Variants in MYO3A observed in about 807,000 individuals in gnomAD.
MYO3A encodes the protein myosin-IIIa.
In MYO3A, 180 loss-of-function variants were observed where a neutral mutation model predicts 192.7. The ratio of observed to expected loss-of-function variants is 0.93; its 90% CI spans 0.83 to 1.06. MYO3A has a LOEUF of 1.06. Ranked by LOEUF, MYO3A falls within the 50% of genes least tolerant of loss-of-function variation. The probability of loss-of-function intolerance (pLI) is 0.00; values close to 1 mark genes in which losing one functional copy is unlikely to be tolerated. For synonymous variants in MYO3A, 628 were observed against 645.3 expected, an observed-to-expected ratio of 0.97 and a Z score of 0.41; for missense variants, 1,896 against 1,905.0, an observed-to-expected ratio of 1.00 and a Z score of 0.09.
At chr10:26,208,416 G>C (rs1177088878) in intron 34 of MYO3A, among the ~76,000 whole-genome samples, 1 of 152,132 alleles carries the variant, frequency 6.6e-6, no homozygotes, top group Non-Finnish European at 1.5e-5. Flanking sequence ...CTATAGACCT[G>C]GGTTTGAATC....
chr10:25,999,977 T>C (rs1840686669), intron 6 of MYO3A, among the ~76,000 whole-genome samples: 1 of 152,202 alleles, frequency 6.6e-6, no homozygotes, highest in Admixed American at 6.5e-5. Flanking sequence ...CCTGGGCTCC[T>C]GCAGTTATAC....
intron 20 of MYO3A, among the ~76,000 whole-genome samples, chr10:26,138,640 A>T (rs1043510355): frequency 1.3e-5 from 2 of 152,216 alleles, no homozygotes; most frequent in Non-Finnish European, 2.9e-5. Flanking sequence ...CTTACTTCGT[A>T]TGCCACAGAG....
chr10:26,112,051 T>C (rs975643563), intron 17 of MYO3A, among the ~76,000 whole-genome samples: 3 of 152,218 alleles, frequency 2.0e-5, no homozygotes, highest in Admixed American at 6.5e-5. Context: ...TATATTTGGC[T>C]CAACTACTTT....
At chr10:26,170,337 AG>A in intron 28 of MYO3A, 78 bp from the exon 29 acceptor site, 1 of 1,496,816 alleles carries the variant, frequency 6.7e-7, no homozygotes, top group South Asian at 1.2e-5. Context: ...CAATGGTCAA[AG>A]CCACCATTTC....
chr10:25,966,871 T>G (rs922890693), intron 4 of MYO3A, among the ~76,000 whole-genome samples: 2 of 152,176 alleles, frequency 1.3e-5, no homozygotes, highest in African/African-American at 4.8e-5. Context: ...ACGAGAAAGC[T>G]AGACAAAACA....
intron 5 of MYO3A, 109 bp downstream of exon 5, chr10:25,996,703 T>C (rs941984430): frequency 1.0e-5 from 9 of 876,452 alleles, no homozygotes; most frequent in African/African-American, 1.0e-4. Context: ...TAGTATTTAT[T>C]GATGGAAGAA....
chr10:26,141,051 C>CT (rs1253953073), intron 20 of MYO3A, among the ~76,000 whole-genome samples: 1 of 152,130 alleles, frequency 6.6e-6, no homozygotes, highest in Non-Finnish European at 1.5e-5. Flanking sequence ...CCTCAGTCTC[C>CT]TGAGTAGCTG....
chr10:26,007,914 T>C (rs1436816738), intron 6 of MYO3A, among the ~76,000 whole-genome samples: 2 of 152,158 alleles, frequency 1.3e-5, no homozygotes, highest in East Asian at 3.9e-4. Context: ...AAAAAGAGCC[T>C]GCATCGCTAA....
At chr10:26,181,909 G>A (rs1842634286) in intron 31 of MYO3A, among the ~76,000 whole-genome samples, 1 of 152,056 alleles carries the variant, frequency 6.6e-6, no homozygotes, top group African/African-American at 2.4e-5. Flanking sequence ...TGAACAATAG[G>A]AGAATGATTA....
intron 6 of MYO3A, among the ~76,000 whole-genome samples, chr10:26,007,705 A>G (rs1343101530): frequency 6.6e-6 from 1 of 150,990 alleles, no homozygotes; most frequent in Non-Finnish European, 1.5e-5. Context: ...AAGGAGAACT[A>G]CAAACCACTG....
rs3817421 is a variant in MYO3A, at chr10:26,068,696, T to C, written c.1054-72T>C. On this transcript the variant is annotated intron_variant, in intron 11 of 34. Coordinates refer to ENST00000642920, the MANE Select transcript of MYO3A (RefSeq NM_017433.5). ...CAGATTCCAGATGTTCTGTTTATTA[T>C]TGTTTACTTTTTAAATTGTAGTTGA... 0.49 allele frequency: 482,406 copies of C among 989,068 alleles called. 121,694 individuals carry two copies. The highest frequency in any genetic ancestry group is 0.55 in the Middle Eastern group (2,210 of 4,054). The allele number at this position is 989,068 out of a possible 1,614,324, so 61.3% of individuals were successfully genotyped here. A position where few individuals can be genotyped will look rare whatever the true frequency, so the allele number is the denominator to read the frequency against.
chr10:26,004,495 T>G (rs1221345881), intron 6 of MYO3A, among the ~76,000 whole-genome samples: 1 of 151,976 alleles, frequency 6.6e-6, no homozygotes, highest in Admixed American at 6.6e-5. Context: ...TGAGTGTGTG[T>G]GTACATATTA....
At chr10:26,047,411 T>G (rs1843693546) in intron 10 of MYO3A, among the ~76,000 whole-genome samples, 1 of 152,164 alleles carries the variant, frequency 6.6e-6, no homozygotes, top group Non-Finnish European at 1.5e-5. Flanking sequence ...AGTTTTTGTG[T>G]TTTTTCCTTC....
Position 26,135,997 on chromosome 10 carries a change from T to C in MYO3A, c.2263-7451T>C, listed in dbSNP as rs548319150. Among the ~76,000 whole-genome samples the C allele has an allele frequency of 6.7e-5, 10 of 150,152 alleles. No homozygotes were observed. The East Asian group carries it at 1.8e-3, about 26-fold the overall frequency. On this transcript the variant is annotated intron_variant, in intron 20 of 34. Coordinates refer to ENST00000642920, the MANE Select transcript of MYO3A (RefSeq NM_017433.5). The stretch of plus-strand genomic sequence containing the variant: ...AAAAAAAAAAAAAGAACAGAAACTC[T>C]ATCTTTCTGATCTTTAAATTCTACC...
At chr10:26,131,384 A>G (rs971311985) in intron 20 of MYO3A, among the ~76,000 whole-genome samples, 5 of 152,204 alleles carry the variant, frequency 3.3e-5, no homozygotes, top group African/African-American at 1.2e-4. Flanking sequence ...TGGTGACCCA[A>G]TCTATAGCAT....
At chr10:26,008,688 A>T in intron 6 of MYO3A, among the ~76,000 whole-genome samples, 1 of 147,250 alleles carries the variant, frequency 6.8e-6, no homozygotes. Context: ...ATACCATCTC[A>T]CACCAGTTAG....
intron 4 of MYO3A, among the ~76,000 whole-genome samples, chr10:25,956,591 A>G (rs1837558264): frequency 6.7e-6 from 1 of 148,876 alleles, no homozygotes; most frequent in Non-Finnish European, 1.5e-5. Flanking sequence ...TGATCCACCT[A>G]TCTCGACCTC....
At chr10:26,132,219 A>T (rs544787107) in intron 20 of MYO3A, among the ~76,000 whole-genome samples, 15 of 152,342 alleles carry the variant, frequency 9.8e-5, no homozygotes, top group African/African-American at 3.4e-4. Context: ...GCTTAACAGT[A>T]ATCAAACTGT....
Position 26,170,543 on chromosome 10 carries a change from T to C in MYO3A, c.3398+4T>C. 4 of 1,608,416 alleles carry C rather than the reference T, an allele frequency of 2.5e-6. No homozygotes were observed. Among genetic ancestry groups the C allele is most frequent in the Non-Finnish European group, 3.4e-6 (4 of 1,176,878 alleles). ...AGAAAAACTTTGAAAATACAAGGTA[T>C]AATGATGTTCATTCTTATACCGTTG... On this transcript the variant is annotated splice_donor_region_variant and intron_variant, in intron 29 of 34. Transcript: ENST00000642920.
Sources: allele counts gnomAD v4.1 joint callset (sites outside exome capture counted in the v4.1 genomes callset), GRCh38; gene constraint gnomAD v4.1.1; transcripts MANE v1.5; gene names NCBI Gene and HGNC (gene_info 2026-07-23, HGNC 2026-07-21).